The following ARHGAP44 variants were observed in gnomAD, a reference collection of about 807,000 sequenced individuals.
ARHGAP44 encodes the protein Rho GTPase activating protein 44.
ARHGAP44 carries 43 observed loss-of-function variants against 106.8 expected under a neutral mutation model. The ratio of observed to expected loss-of-function variants is 0.40; its 90% CI spans 0.32 to 0.52. The LOEUF is 0.52. Ranked by LOEUF, ARHGAP44 falls within the 20% of genes least tolerant of loss-of-function variation. The probability of loss-of-function intolerance (pLI) is 0.48; values close to 1 mark genes in which losing one functional copy is unlikely to be tolerated. For synonymous variants in ARHGAP44, 439 were observed against 410.3 expected (o/e 1.07, Z -0.85); for missense variants, 866 against 1,050.5 (o/e 0.82, Z 2.43).
At chr17:12,973,639 G>A (rs576333513) in intron 17 of ARHGAP44, 2 of 499,348 alleles carry the variant, frequency 4.0e-6, no homozygotes. Context: ...CCTGCTGTCA[G>A]TTCCACGCTC....
intron 1 of ARHGAP44, among the ~76,000 whole-genome samples, chr17:12,877,314 G>T (rs1336782828): frequency 6.6e-6 from 1 of 152,028 alleles, no homozygotes; most frequent in Non-Finnish European, 1.5e-5. Flanking sequence ...ATTTCTATTT[G>T]GAAAAGGTTG....
At chr17:12,931,877 CACAT>C (rs1275353893) in intron 7 of ARHGAP44, among the ~76,000 whole-genome samples, 10 of 136,720 alleles carry the variant, frequency 7.3e-5, no homozygotes, top group South Asian at 2.4e-4. Flanking sequence ...CACACACACA[CACAT>C]ATCATGATTT....
chr17:12,809,456 C>T lies in ARHGAP44; in HGVS notation c.53+19565C>T, dbSNP rs191392007. 1.1e-3 allele frequency among the ~76,000 whole-genome samples: 174 copies of T among 152,274 alleles called. 2 individuals carry two copies. The highest frequency in any genetic ancestry group is 0.011 in the East Asian group (57 of 5,186). ...AGGAGAAGCAAAAGCGTGTCTTACACGGCAGCAGACAAGAGAGCTTGTGCA... is the reference window on the plus strand; with the variant it reads ...AGGAGAAGCAAAAGCGTGTCTTACATGGCAGCAGACAAGAGAGCTTGTGCA... On this transcript the variant is annotated intron_variant, in intron 1 of 20. Coordinates refer to ENST00000379672, the MANE Select transcript of ARHGAP44 (RefSeq NM_014859.6).
intron 1 of ARHGAP44, among the ~76,000 whole-genome samples, chr17:12,868,849 G>C (rs1354596007): frequency 1.3e-5 from 2 of 150,702 alleles, no homozygotes; most frequent in Non-Finnish European, 3.0e-5. Flanking sequence ...GTAGAGACAG[G>C]GTCTCACCAT....
At chr17:12,869,655 C>T (rs75112200) in intron 1 of ARHGAP44, among the ~76,000 whole-genome samples, 1 of 152,188 alleles carries the variant, frequency 6.6e-6, no homozygotes, top group Non-Finnish European at 1.5e-5. Flanking sequence ...CTGGCAACCA[C>T]TTTTGAAAAT....
In ARHGAP44 at chr17:12,891,706, T is replaced by C. The variant is rs1342165391; in HGVS notation, c.54-3234T>C. ...TGTTACCTACTATTTACATAACTTA[T>C]CATAGTCTGCTGCTATCATTATTTT... On this transcript the variant is annotated intron_variant, in intron 1 of 20. Transcript: ENST00000379672. 1.3e-5 allele frequency among the ~76,000 whole-genome samples: 2 copies of C among 152,184 alleles called. 1 individual carries two copies. The highest frequency in any genetic ancestry group is 4.8e-5 in the African/African-American group (2 of 41,446).
chr17:12,925,181 G>T (rs2038196007), intron 6 of ARHGAP44, among the ~76,000 whole-genome samples: 1 of 152,084 alleles, frequency 6.6e-6, no homozygotes, highest in African/African-American at 2.4e-5. Flanking sequence ...TCTTCCTTTT[G>T]CCCCAATTCC....
intron 18 of ARHGAP44, among the ~76,000 whole-genome samples, chr17:12,978,035 T>TAAAAAAAAAAAAAAAGAAAA (rs757585682): frequency 1.8e-5 from 1 of 55,562 alleles, no homozygotes; most frequent in East Asian, 4.8e-4. Context: ...AGACTCCATC[T>TAAAAAAAAAAAAAAAGAAAA]CAAAAAAAAA....
intron 4 of ARHGAP44, among the ~76,000 whole-genome samples, chr17:12,915,061 C>T (rs1413070575): frequency 6.6e-6 from 1 of 152,128 alleles, no homozygotes; most frequent in Admixed American, 6.6e-5. Context: ...GTTTTTGAGA[C>T]AGGGTCTCGC....
chr17:12,853,346 A>G (rs577329478), intron 1 of ARHGAP44, among the ~76,000 whole-genome samples: 2 of 152,340 alleles, frequency 1.3e-5, no homozygotes, highest in South Asian at 4.1e-4. Flanking sequence ...CATTTATAGC[A>G]TATTAGACAC....
intron 1 of ARHGAP44, among the ~76,000 whole-genome samples, chr17:12,840,309 A>C (rs754713966): frequency 6.6e-6 from 1 of 152,174 alleles, no homozygotes; most frequent in Non-Finnish European, 1.5e-5. Flanking sequence ...CATCCTTAGG[A>C]CTATGCTTCT....
Position 12,949,734 on chromosome 17 carries a change from A to G in ARHGAP44, c.1055+4A>G. 1 of 1,612,070 alleles carries G rather than the reference A, an allele frequency of 6.2e-7. No individual in the cohort carries two copies. Among genetic ancestry groups the G allele is most frequent in the Non-Finnish European group, 8.5e-7 (1 of 1,178,436 alleles). On this transcript the variant is annotated splice_donor_region_variant and intron_variant, in intron 12 of 20. Coordinates refer to ENST00000379672, the MANE Select transcript of ARHGAP44 (RefSeq NM_014859.6). This position sits in a 1 kb window ranked among gnomAD's most constrained non-coding sequence, Gnocchi z 4.1. ...ATGAGTGGATCCAGGCTTCCAAGTG[A>G]GTACCCCTTGTTTTGGAATGTCCTG...
chr17:12,889,018 ATTC>A (rs1567670097), intron 1 of ARHGAP44, among the ~76,000 whole-genome samples: 1 of 152,152 alleles, frequency 6.6e-6, no homozygotes, highest in Non-Finnish European at 1.5e-5. Flanking sequence ...TTTTAAATCC[ATTC>A]TTCTAGTTCT....
At chr17:12,794,587 G>GCCTT (rs1296328786) in intron 1 of ARHGAP44, among the ~76,000 whole-genome samples, 1 of 152,192 alleles carries the variant, frequency 6.6e-6, no homozygotes, top group African/African-American at 2.4e-5. Context: ...CTGTGGGTGT[G>GCCTT]CGGGAAGGAG....
intron 16 of ARHGAP44, among the ~76,000 whole-genome samples, chr17:12,963,046 CAAAAAA>C (rs71369355): frequency 2.6e-3 from 188 of 70,946 alleles, no homozygotes; most frequent in African/African-American, 0.011. Flanking sequence ...AACACCATCT[CAAAAAA>C]AAAAAAAAAA....
At chr17:12,829,778 T>C (rs1260966631) in intron 1 of ARHGAP44, among the ~76,000 whole-genome samples, 1 of 152,208 alleles carries the variant, frequency 6.6e-6, no homozygotes, top group Non-Finnish European at 1.5e-5. Context: ...TGGCCTTCCT[T>C]GACCACTCTA....
At chr17:12,895,095 C>A in intron 2 of ARHGAP44, 116 bp downstream of exon 2, 1 of 867,310 alleles carries the variant, frequency 1.2e-6, no homozygotes, top group Non-Finnish European at 1.8e-6. Flanking sequence ...CGTGCCACTA[C>A]ACTCCAGCCT....
intron 7 of ARHGAP44, among the ~76,000 whole-genome samples, chr17:12,940,357 A>G (rs2038673748): frequency 6.6e-6 from 1 of 152,246 alleles, no homozygotes; most frequent in Non-Finnish European, 1.5e-5. Flanking sequence ...ATGCCAGGCT[A>G]TGAGTGATTC....
intron 16 of ARHGAP44, among the ~76,000 whole-genome samples, chr17:12,964,817 A>G (rs984518212): frequency 2.0e-5 from 3 of 152,188 alleles, no homozygotes; most frequent in African/African-American, 7.2e-5. Context: ...GACATGGGTA[A>G]TGTGACCTCC....
Sources: allele counts gnomAD v4.1 joint callset (sites outside exome capture counted in the v4.1 genomes callset), GRCh38; gene constraint gnomAD v4.1.1; non-coding constraint Gnocchi (gnomAD v3.1); transcripts MANE v1.5; gene names NCBI Gene and HGNC (gene_info 2026-07-23, HGNC 2026-07-21).